Variants in PCDHA1 observed in about 807,000 individuals in gnomAD.
PCDHA1 encodes protocadherin alpha 1, also known as protocadherin alpha-1.
PCDHA1 carries 42 observed loss-of-function variants against 61.3 expected under a neutral mutation model. The observed-to-expected ratio is 0.69, with a 90% confidence interval of 0.54 to 0.89. PCDHA1 has a LOEUF of 0.89. PCDHA1 is among the 40% of genes least tolerant of loss of function. The pLI, the probability that PCDHA1 is intolerant of heterozygous loss-of-function variation, is 0.00. For missense variants in PCDHA1, 1,256 were observed against 1,235.3 expected (o/e 1.02, Z -0.25); for synonymous variants, 610 against 553.8 (o/e 1.10, Z -1.43).
intron 1 of PCDHA1, chr5:140,804,690 C>A (rs1554123122): frequency 6.1e-6 from 1 of 163,732 alleles, no homozygotes; most frequent in Non-Finnish European, 1.3e-5. Context: ...ATAACCAGAA[C>A]CAAATGAAAT....
chr5:140,836,884 T>C (rs1387111400), intron 1 of PCDHA1: 2 of 642,656 alleles, frequency 3.1e-6, no homozygotes, highest in African/African-American at 3.7e-5. Context: ...TTGCACTAAT[T>C]ATTTGGAAGT....
intron 1 of PCDHA1, chr5:140,853,775 G>GT: frequency 1.0e-6 from 1 of 987,698 alleles, no homozygotes; most frequent in East Asian, 1.1e-4. Context: ...TCTGAAATGG[G>GT]TAGTAAGAGC....
At chr5:140,991,640 T>C (rs1315335320) in intron 3 of PCDHA1, among the ~76,000 whole-genome samples, 1 of 152,194 alleles carries the variant, frequency 6.6e-6, no homozygotes, top group Non-Finnish European at 1.5e-5. Flanking sequence ...AACAATCTGT[T>C]CATGACAATT....
intron 1 of PCDHA1, among the ~76,000 whole-genome samples, chr5:140,974,406 T>C (rs903349256): frequency 3.9e-5 from 6 of 152,226 alleles, no homozygotes; most frequent in Non-Finnish European, 8.8e-5. Flanking sequence ...GTTCTAAAGT[T>C]ATGTTTATTT....
intron 1 of PCDHA1, chr5:140,868,717 A>G (rs1420363814): frequency 5.3e-6 from 1 of 189,344 alleles, no homozygotes; most frequent in African/African-American, 2.4e-5. Context: ...AATAATTTAA[A>G]TTTGATGTTA....
At chr5:140,916,363 T>C (rs2077541371) in intron 1 of PCDHA1, among the ~76,000 whole-genome samples, 2 of 152,124 alleles carry the variant, frequency 1.3e-5, no homozygotes, top group African/African-American at 4.8e-5. Context: ...GAAGGAGTCT[T>C]TCACTGTAGC....
intron 1 of PCDHA1, among the ~76,000 whole-genome samples, chr5:140,872,352 C>T (rs568415263): frequency 7.2e-5 from 11 of 152,170 alleles, no homozygotes; most frequent in African/African-American, 2.7e-4. Context: ...TCTTGCCAGG[C>T]AAAGTGGTTC....
intron 1 of PCDHA1, among the ~76,000 whole-genome samples, chr5:140,977,523 C>G (rs1393138256): frequency 2.0e-5 from 3 of 152,070 alleles, no homozygotes; most frequent in African/African-American, 7.2e-5. Flanking sequence ...AACTTGAAAA[C>G]AAAGGAGGAA....
rs2150140875 is a variant in PCDHA1 at position 140,825,709 on chromosome 5, A to T, written c.2394+37025A>T. The T allele has an allele frequency of 8.5e-5, 13 of 152,476 alleles. No homozygotes were observed. In the South Asian group the frequency reaches 2.7e-3, roughly 32 times the overall value. 9.4% of individuals were successfully genotyped at this position (152,476 alleles called of 1,614,324 possible). ...AGTGCTGGGATTGCAGGCATGAGCC[A>T]TCGCGCCTGGCCTAAATTATTATAT... On this transcript the variant is annotated intron_variant, in intron 1 of 3. Coordinates refer to ENST00000504120, the MANE Select transcript of PCDHA1 (RefSeq NM_018900.4).
At chr5:140,894,143 T>G (rs1322881071) in intron 1 of PCDHA1, among the ~76,000 whole-genome samples, 1 of 152,158 alleles carries the variant, frequency 6.6e-6, no homozygotes, top group Non-Finnish European at 1.5e-5. Flanking sequence ...ATAATTCCCT[T>G]CTATGTAATT....
rs1774863213 is a variant in PCDHA1 at position 140,837,000 on chromosome 5, G to A, written c.2394+48316G>A. The A allele has an allele frequency of 1.8e-5, 6 of 331,444 alleles. No individual in the cohort carries two copies. The East Asian group carries it at 3.3e-4, about 18-fold the overall frequency. 20.5% of individuals were successfully genotyped at this position (331,444 alleles called of 1,614,324 possible). A position where few individuals can be genotyped will look rare whatever the true frequency, so the allele number is the denominator to read the frequency against. On this transcript the variant is annotated intron_variant, in intron 1 of 3. Coordinates refer to ENST00000504120, the MANE Select transcript of PCDHA1 (RefSeq NM_018900.4). ...TTGGAGGAGGACTTTGCTAACTGGAGCAATGGATTCACCTTTCTTCTATAG... is the reference window on the plus strand; with the variant it reads ...TTGGAGGAGGACTTTGCTAACTGGAACAATGGATTCACCTTTCTTCTATAG...
intron 1 of PCDHA1, chr5:140,870,883 C>T: frequency 1.9e-6 from 3 of 1,613,920 alleles, no homozygotes; most frequent in Middle Eastern, 1.6e-4. Flanking sequence ...GGCGAAGGTG[C>T]GCGCAGTGGA....
chr5:140,787,780 G>A lies in PCDHA1; in HGVS notation c.1490G>A (p.Arg497Gln). The change falls in exon 1 of 4, where the codon CGG (arginine) becomes CAG (glutamine). Residue 497 changes from arginine (R) to glutamine (Q), a missense_variant. Physicochemically the swap from Arg to Gln is conservative, Grantham distance 43 (BLOSUM62 1). Transcript: ENST00000504120. ...CTGGTGTCCTATTCGCTGGTGGAAC[G>A]GCGGGTGGGCGAGCGCGCGCTGTCG... is the stretch of plus-strand genomic sequence containing the variant. ...NALVSYSLVE[R>Q]RVGERALSNY... 1.2e-6 allele frequency: 2 copies of A among 1,612,818 alleles called. No individual in the cohort carries two copies. The highest frequency in any genetic ancestry group is 1.7e-6 in the Non-Finnish European group (2 of 1,179,782).
intron 1 of PCDHA1, chr5:140,852,739 A>G: frequency 2.0e-6 from 2 of 984,418 alleles, no homozygotes. Flanking sequence ...TTCATGTGCC[A>G]TTTAAACTTG....
rs1274715970 is a variant in PCDHA1, at chr5:140,849,195, G to A, written c.2394+60511G>A. ...CGTTCAATTACTCATCACGGTACTG[G>A]ACAACAATGACAATGCCCCAGTGTT... On this transcript the variant is annotated intron_variant, in intron 1 of 3. Coordinates refer to ENST00000504120, the MANE Select transcript of PCDHA1 (RefSeq NM_018900.4). The A allele has an allele frequency of 2.4e-5, 25 of 1,038,632 alleles. 3 individuals carry two copies. The highest frequency in any genetic ancestry group is 1.1e-4 in the Admixed American group (4 of 36,524). 64.3% of individuals were successfully genotyped at this position (1,038,632 alleles called of 1,614,324 possible).
At chr5:140,796,744 G>C in intron 1 of PCDHA1, 1 of 1,614,148 alleles carries the variant, frequency 6.2e-7, no homozygotes, top group Non-Finnish European at 8.5e-7. Flanking sequence ...GGTGGCGAAG[G>C]TGCGCGCAGT....
rs1013042375 is a variant in PCDHA1 at position 140,823,776 on chromosome 5, G to C, written c.2394+35092G>C. The C allele has an allele frequency of 3.1e-6, 5 of 1,613,732 alleles. No homozygotes were observed. The African/African-American group carries it at 6.7e-5, about 22-fold the overall frequency. ...CAGCCACAGCCACAGTGCTGGTGTC[G>C]CTGGTGGAAAGTGGCCAGGCGCCGA... On this transcript the variant is annotated intron_variant, in intron 1 of 3. Coordinates refer to ENST00000504120, the MANE Select transcript of PCDHA1 (RefSeq NM_018900.4).
At chr5:140,794,804 C>A in intron 1 of PCDHA1, 1 of 747,930 alleles carries the variant, frequency 1.3e-6, no homozygotes, top group Non-Finnish European at 2.2e-6. Flanking sequence ...TGTCGCTGTC[C>A]ACCATAGAGT....
chr5:140,810,353 G>GT (rs1172814895), intron 1 of PCDHA1: 1 of 152,168 alleles, frequency 6.6e-6, no homozygotes, highest in Non-Finnish European at 1.5e-5. Context: ...TTGCCTAAGA[G>GT]TTGTGTTTGT....
Sources: gnomAD v4.1 joint callset for allele counts (sites outside exome capture counted in the v4.1 genomes callset) on GRCh38, gnomAD v4.1.1 for gene constraint, MANE v1.5 for transcripts, NCBI Gene and HGNC (gene_info 2026-07-23, HGNC 2026-07-21) for gene names.